The following GRIK2 variants were observed in gnomAD, a reference collection of about 807,000 sequenced individuals.
GRIK2 encodes the protein glutamate ionotropic receptor kainate type subunit 2.
Under a neutral mutation model 100.3 loss-of-function variants are expected in GRIK2, and 32 were observed. The observed-to-expected ratio is 0.32, with a 90% CI of 0.24 to 0.43. GRIK2 has a LOEUF of 0.43. Among genes scored for constraint, GRIK2 ranks in the 20% least tolerant of loss-of-function variants. The pLI, the probability that GRIK2 is intolerant of heterozygous loss-of-function variation, is 1.00. For synonymous variants in GRIK2, 417 were observed against 389.4 expected (o/e 1.07, Z -0.83); for missense variants, 843 against 1,114.9 (o/e 0.76, Z 3.47).
At chr6:101,484,869 T>G (rs921164524) in intron 2 of GRIK2, among the ~76,000 whole-genome samples, 1 of 152,224 alleles carries the variant, frequency 6.6e-6, no homozygotes, top group African/African-American at 2.4e-5. Flanking sequence ...AAGTTCAAAA[T>G]GCTTCTATTA....
At chr6:101,758,676 T>C (rs1281386757) in intron 7 of GRIK2, among the ~76,000 whole-genome samples, 1 of 152,192 alleles carries the variant, frequency 6.6e-6, no homozygotes, top group Non-Finnish European at 1.5e-5. Flanking sequence ...ATTTATTAAA[T>C]TTCACTCAGC....
Position 101,536,563 on chromosome 6 carries a change from C to T in GRIK2, c.116-85386C>T, listed in dbSNP as rs189249219. On this transcript the variant is annotated intron_variant, in intron 2 of 16. Transcript: ENST00000369134. Reference sequence around the variant, plus strand: ...ATTAGGTTTGTTCTGCTTTATTTTACGTTTTAAGACTTATAGTAAAAATTA... The same window carrying T: ...ATTAGGTTTGTTCTGCTTTATTTTATGTTTTAAGACTTATAGTAAAAATTA... Among the ~76,000 whole-genome samples, 22 of 151,642 alleles carry T rather than the reference C, an allele frequency of 1.5e-4. No individual in the cohort carries two copies. The South Asian group carries it at 1.5e-3, about 10-fold the overall frequency.
chr6:101,828,631 A>G (rs1332098521), intron 10 of GRIK2, among the ~76,000 whole-genome samples: 3 of 152,066 alleles, frequency 2.0e-5, no homozygotes, highest in Middle Eastern at 6.8e-3. Context: ...TCCTGAGACT[A>G]CTATGAACAT....
At chr6:101,411,583 T>C (rs1775885174) in intron 2 of GRIK2, among the ~76,000 whole-genome samples, 1 of 152,110 alleles carries the variant, frequency 6.6e-6, no homozygotes, top group South Asian at 2.1e-4. Context: ...TTTAAGTTTA[T>C]GATTCTTCTA....
chr6:101,647,145 G>A lies in GRIK2; in HGVS notation c.541+20508G>A, dbSNP rs143410269. Among the ~76,000 whole-genome samples, 146 of 152,104 alleles carry A rather than the reference G, an allele frequency of 9.6e-4. 1 individual carries two copies. Among genetic ancestry groups the A allele is most frequent in the African/African-American group, 3.5e-3 (146 of 41,548 alleles). The stretch of plus-strand genomic sequence containing the variant: ...CAGAATAAGGATTTAAACCCAAAAT[G>A]TTGAATCTAATAGTCAGGTTCTTCA... On this transcript the variant is annotated intron_variant, in intron 4 of 16. Transcript: ENST00000369134.
At chr6:101,690,718 C>T (rs1337808485) in intron 7 of GRIK2, among the ~76,000 whole-genome samples, 1 of 152,028 alleles carries the variant, frequency 6.6e-6, no homozygotes, top group Non-Finnish European at 1.5e-5. Flanking sequence ...TCCACCAAGC[C>T]ACCCTCTCAT....
chr6:101,607,252 G>A (rs2128311987), intron 2 of GRIK2, among the ~76,000 whole-genome samples: 1 of 152,086 alleles, frequency 6.6e-6, no homozygotes, highest in Non-Finnish European at 1.5e-5. Context: ...CCTGTGTGAA[G>A]CGTTATATGG....
At chr6:101,555,557 A>T (rs1776694178) in intron 2 of GRIK2, among the ~76,000 whole-genome samples, 1 of 152,220 alleles carries the variant, frequency 6.6e-6, no homozygotes, top group African/African-American at 2.4e-5. Flanking sequence ...GAATTTAAAA[A>T]TTTCATCTAA....
At chr6:101,928,168 C>T (rs910631387) in intron 13 of GRIK2, 2 of 466,416 alleles carry the variant, frequency 4.3e-6, no homozygotes, top group African/African-American at 3.9e-5. Flanking sequence ...TGGAACTTTG[C>T]ATCATCTCAG....
chr6:101,606,121 T>A (rs1779427154), intron 2 of GRIK2, among the ~76,000 whole-genome samples: 1 of 152,016 alleles, frequency 6.6e-6, no homozygotes, highest in African/African-American at 2.4e-5. Context: ...TCTCACTGGA[T>A]GACTCAGCTA....
chr6:101,618,926 A>C (rs1227550451), intron 2 of GRIK2, among the ~76,000 whole-genome samples: 3 of 150,510 alleles, frequency 2.0e-5, no homozygotes, highest in Non-Finnish European at 4.4e-5. Context: ...TATCTTAATA[A>C]AGTCTCATTA....
intron 2 of GRIK2, among the ~76,000 whole-genome samples, chr6:101,451,979 A>G (rs1300152745): frequency 6.6e-6 from 1 of 151,826 alleles, no homozygotes; most frequent in Non-Finnish European, 1.5e-5. Context: ...CTCCCAATAA[A>G]TGGCTTTCTT....
intron 2 of GRIK2, among the ~76,000 whole-genome samples, chr6:101,564,198 T>C (rs1343147110): frequency 1.3e-5 from 2 of 152,180 alleles, no homozygotes; most frequent in East Asian, 3.9e-4. Context: ...AACAAGCATT[T>C]ACATTTCTTT....
At chr6:102,064,957 C>T (rs1017785705) in intron 16 of GRIK2, among the ~76,000 whole-genome samples, 1 of 151,172 alleles carries the variant, frequency 6.6e-6, no homozygotes, top group African/African-American at 2.4e-5. Context: ...GAGAAAAGAA[C>T]CTATCGTCTC....
intron 7 of GRIK2, among the ~76,000 whole-genome samples, chr6:101,782,876 T>G (rs1779183260): frequency 6.8e-6 from 1 of 147,822 alleles, no homozygotes; most frequent in South Asian, 2.1e-4. Context: ...TTTTTTTTTT[T>G]GAGATGGAGT....
At chr6:102,023,812 AAG>A (rs1438788804) in intron 14 of GRIK2, among the ~76,000 whole-genome samples, 1 of 151,510 alleles carries the variant, frequency 6.6e-6, no homozygotes, top group African/African-American at 2.4e-5. Context: ...GTTCAAAGGA[AAG>A]AGAGAGTTTA....
chr6:101,655,623 C>G (rs994118891), intron 4 of GRIK2, among the ~76,000 whole-genome samples: 1 of 151,968 alleles, frequency 6.6e-6, no homozygotes, highest in Admixed American at 6.6e-5. Flanking sequence ...TGCATTAAAG[C>G]AAAAATAAAT....
intron 2 of GRIK2, among the ~76,000 whole-genome samples, chr6:101,561,148 T>G (rs1776992957): frequency 6.6e-6 from 1 of 152,162 alleles, no homozygotes; most frequent in South Asian, 2.1e-4. Context: ...AAAAGTCTCT[T>G]AGGAAGCTAT....
intron 7 of GRIK2, among the ~76,000 whole-genome samples, chr6:101,749,406 G>C (rs1399154843): frequency 6.6e-6 from 1 of 152,084 alleles, no homozygotes; most frequent in Non-Finnish European, 1.5e-5. Flanking sequence ...ACCACGCCTG[G>C]CCAGAAGTAT....
Sources: allele counts gnomAD v4.1 joint callset (sites outside exome capture counted in the v4.1 genomes callset), GRCh38; gene constraint gnomAD v4.1.1; transcripts MANE v1.5; gene names NCBI Gene and HGNC (gene_info 2026-07-23, HGNC 2026-07-21).